Variants in WNK2 observed in about 807,000 individuals in gnomAD.
WNK2 encodes WNK lysine deficient protein kinase 2, also known as serine/threonine-protein kinase WNK2.
WNK2 carries 67 observed loss-of-function variants against 192.1 expected under a neutral mutation model. The ratio of observed to expected loss-of-function variants is 0.35; its 90% CI spans 0.29 to 0.43. The LOEUF (loss-of-function observed/expected upper bound fraction) is 0.43, where lower values mean the gene tolerates loss of function less well. WNK2 is among the 20% of genes least tolerant of loss of function. The pLI, the probability that WNK2 is intolerant of heterozygous loss-of-function variation, is 1.00. For missense variants in WNK2, 2,698 were observed against 3,089.7 expected, an observed-to-expected ratio of 0.87 and a Z score of 3.01; for synonymous variants, 1,439 against 1,393.9, an observed-to-expected ratio of 1.03 and a Z score of -0.72.
At position 93,253,025 on chromosome 9, in the gene WNK2, G is replaced by A; in HGVS notation, c.1977G>A (p.Gly659=). The A allele has an allele frequency of 6.5e-7, 1 of 1,544,116 alleles. No individual in the cohort carries two copies. The highest frequency in any genetic ancestry group is 8.7e-7 in the Non-Finnish European group (1 of 1,146,854). Residue 659 remains glycine (G), a synonymous_variant, in exon 9 of 30, where the codon GGG becomes GGA. Transcript: ENST00000427277. ...TGTGCAGCCCCCCTGTGAGCGAGGG[G>A]CCCGTCCTGCCGCAGAGCCTGCCCT... ...QCVCSPPVSE[G]PVLPQSLPSL...
At chr9:93,300,796 C>G (rs1851472686) in intron 26 of WNK2, among the ~76,000 whole-genome samples, 1 of 152,208 alleles carries the variant, frequency 6.6e-6, no homozygotes, top group Admixed American at 6.5e-5. Flanking sequence ...GCCTCCCCAG[C>G]CCCTCCCCAC....
In WNK2 at chr9:93,267,987, G is replaced by A. The variant is rs868419892; in HGVS notation, c.3868-33G>A. On this transcript the variant is annotated intron_variant, in intron 17 of 29. Transcript: ENST00000427277. ...CTGGGCAGGTGGGCGCTGCAGCTCAGTGGGCTCATTTCTGACCCTCCACCT... is the reference window on the plus strand; with the variant it reads ...CTGGGCAGGTGGGCGCTGCAGCTCAATGGGCTCATTTCTGACCCTCCACCT... The A allele has an allele frequency of 1.9e-6, 3 of 1,608,336 alleles. No individual in the cohort carries two copies. The Middle Eastern group carries it at 5.0e-4, about 266-fold the overall frequency.
At chr9:93,218,509 G>A (rs1836192635) in intron 2 of WNK2, among the ~76,000 whole-genome samples, 4 of 152,174 alleles carry the variant, frequency 2.6e-5, no homozygotes, top group Admixed American at 2.0e-4. Context: ...AATCAGGAAA[G>A]TTTTTGTGGT....
chr9:93,281,641 T>C (rs1847754136), intron 19 of WNK2, among the ~76,000 whole-genome samples: 1 of 151,946 alleles, frequency 6.6e-6, no homozygotes, highest in Non-Finnish European at 1.5e-5. Context: ...ATGCAGAGAA[T>C]TGGAAGGCAT....
rs181738286 is a variant in WNK2, at chr9:93,238,418, G to A, written c.1322+97G>A. The A allele has an allele frequency of 2.6e-3, 3,220 of 1,227,462 alleles. 4 individuals carry two copies. The highest frequency in any genetic ancestry group is 3.1e-3 in the Non-Finnish European group (2,616 of 848,156). 76.0% of individuals were successfully genotyped at this position (1,227,462 alleles called of 1,614,324 possible). A position where few individuals can be genotyped will look rare whatever the true frequency, so the allele number is the denominator to read the frequency against. ...TGTGTTCTTGATGAGGGGACTTCAA[G>A]ACAGGCAGGCTCAGGCCAGGGTGTC... On this transcript the variant is annotated intron_variant, in intron 6 of 29. Coordinates refer to ENST00000427277, the MANE Select transcript of WNK2 (RefSeq NM_006648.4).
At chr9:93,308,832 G>A (rs1450103956) in intron 28 of WNK2, 4 of 1,389,768 alleles carry the variant, frequency 2.9e-6, no homozygotes, top group Non-Finnish European at 3.7e-6. Flanking sequence ...CCAGGGCTGT[G>A]ACTCCACAGC....
chr9:93,234,867 G>A lies in WNK2; in HGVS notation c.1135G>A (p.Val379Ile). 4 of 1,614,222 alleles carry A rather than the reference G, an allele frequency of 2.5e-6. No homozygotes were observed. Among genetic ancestry groups the A allele is most frequent in the East Asian group, 2.2e-5 (1 of 44,886 alleles). Residue 379 changes from valine (V) to isoleucine (I), a missense_variant, in exon 5 of 30, where the codon GTC becomes ATC. Val to Ile is a conservative substitution (Grantham distance 29). This residue lies in a region of WNK2 where 230 missense variants were observed against 501.1 expected (regional missense o/e 0.46). Coordinates refer to ENST00000427277, the MANE Select transcript of WNK2 (RefSeq NM_006648.4). ...YEEHYDESVD[V>I]YAFGMCMLEM... ...GGAGCACTACGATGAGTCCGTGGAC[G>A]TCTATGCCTTTGGGATGTGCATGCT...
chr9:93,243,916 C>T (rs990735403), intron 7 of WNK2, among the ~76,000 whole-genome samples: 1 of 152,366 alleles, frequency 6.6e-6, no homozygotes, highest in Non-Finnish European at 1.5e-5. Flanking sequence ...GCACCTGGCT[C>T]TGAGGCTGCT....
In WNK2 at chr9:93,264,013, G is replaced by A. The variant is rs1214091204; in HGVS notation, c.3676G>A (p.Asp1226Asn). ...GTTCGACTTGGACGGGGACGCACCC[G>A]ATGAAATTGCCACGTATATGGTGAG... ...FKFDLDGDAP[D>N]EIATYMVEHD... The change falls in exon 16 of 30, where the codon GAT becomes AAT. Residue 1226 changes from aspartate to asparagine, a missense_variant. Asp to Asn is a conservative substitution (Grantham distance 23). Coordinates refer to ENST00000427277, the MANE Select transcript of WNK2 (RefSeq NM_006648.4). The A allele has an allele frequency of 4.3e-6, 7 of 1,612,906 alleles. No individual in the cohort carries two copies. Among genetic ancestry groups the A allele is most frequent in the African/African-American group, 1.3e-5 (1 of 74,890 alleles).
At chr9:93,284,206 A>T (rs547739066) in intron 19 of WNK2, among the ~76,000 whole-genome samples, 10 of 152,366 alleles carry the variant, frequency 6.6e-5, no homozygotes, top group African/African-American at 2.4e-4. Context: ...GTTTTATCAA[A>T]CTAGCGTAAC....
intron 2 of WNK2, among the ~76,000 whole-genome samples, chr9:93,199,197 T>C (rs1190989514): frequency 1.3e-5 from 2 of 152,158 alleles, no homozygotes; most frequent in Non-Finnish European, 2.9e-5. Context: ...AGAAGGAAGA[T>C]GACCGATGCC....
chr9:93,288,979 C>T lies in WNK2; in HGVS notation c.4225C>T (p.Pro1409Ser), dbSNP rs369934402. ...AAPATSTMPE[P>S]ASGTASQAGG... ...TCCAGCCACCAGCACCATGCCAGAGCCAGCGTCAGGAACTGCCAGCCAGGC... is the reference window on the plus strand; with the variant it reads ...TCCAGCCACCAGCACCATGCCAGAGTCAGCGTCAGGAACTGCCAGCCAGGC... Residue 1409 changes from proline to serine, a missense_variant, in exon 20 of 30, where the codon CCA becomes TCA. By Grantham distance (74) the Pro-to-Ser change is moderately conservative (BLOSUM62 -1). This residue lies in a region of WNK2 where 1,098 missense variants were observed against 1,101.0 expected (regional missense o/e 1.00). Transcript: ENST00000427277. 1 of 1,602,666 alleles carries T rather than the reference C, an allele frequency of 6.2e-7. No individual in the cohort carries two copies. Among genetic ancestry groups the T allele is most frequent in the Non-Finnish European group, 8.5e-7 (1 of 1,174,738 alleles).
chr9:93,265,378 G>A (rs891878632), intron 16 of WNK2, among the ~76,000 whole-genome samples: 1 of 152,202 alleles, frequency 6.6e-6, no homozygotes, highest in African/African-American at 2.4e-5. Context: ...TCAAAGGTGG[G>A]AGATGAGGAA....
rs1389048281 is a variant in WNK2 at position 93,297,618 on chromosome 9, G to A, written c.5709-235G>A. ...GAGGCTTCTTAGCCTGGCCCGTGCT[G>A]TTGGGCACGTCGATGCCAGAGGCCC... On this transcript the variant is annotated intron_variant, in intron 23 of 29. Coordinates refer to ENST00000427277, the MANE Select transcript of WNK2 (RefSeq NM_006648.4). 3.3e-5 allele frequency among the ~76,000 whole-genome samples: 5 copies of A among 152,250 alleles called. No homozygotes were observed. In the East Asian group the frequency reaches 7.7e-4, roughly 23 times the overall value.
intron 2 of WNK2, among the ~76,000 whole-genome samples, chr9:93,206,467 A>G (rs1487611822): frequency 6.6e-6 from 1 of 152,096 alleles, no homozygotes; most frequent in Non-Finnish European, 1.5e-5. Context: ...CCTGAGAAGC[A>G]CGTGGCTTGC....
intron 9 of WNK2, among the ~76,000 whole-genome samples, chr9:93,254,890 G>A (rs1843069939): frequency 6.6e-6 from 1 of 152,166 alleles, no homozygotes; most frequent in African/African-American, 2.4e-5. Flanking sequence ...ACTGAGGCTG[G>A]ACTGGAATGT....
chr9:93,186,977 TG>T (rs1211552952), intron 2 of WNK2, among the ~76,000 whole-genome samples: 1 of 151,936 alleles, frequency 6.6e-6, no homozygotes, highest in African/African-American at 2.4e-5. Flanking sequence ...GGTCCTGGGG[TG>T]TGCTGGGCAT....
At chr9:93,315,400 G>C (rs1156903898) in intron 28 of WNK2, 1 of 152,230 alleles carries the variant, frequency 6.6e-6, no homozygotes, top group Non-Finnish European at 1.5e-5. Context: ...TCCTCACAAA[G>C]TGATGCGGAT....
In WNK2 at chr9:93,243,589, A is replaced by G. The variant is rs114761360; in HGVS notation, c.1542+3613A>G. Among the ~76,000 whole-genome samples the G allele has an allele frequency of 9.3e-3, 1,414 of 152,078 alleles. 22 individuals carry two copies. Among genetic ancestry groups the G allele is most frequent in the African/African-American group, 0.032 (1,324 of 41,478 alleles). Reference sequence around the variant, plus strand: ...CACAACAATAAACAGCACCCGCCCCACTCTGCTAAGAACAGGGAAGGCAGG... The same window carrying G: ...CACAACAATAAACAGCACCCGCCCCGCTCTGCTAAGAACAGGGAAGGCAGG... On this transcript the variant is annotated intron_variant, in intron 7 of 29. Transcript: ENST00000427277.
Sources: gnomAD v4.1 joint callset for allele counts (sites outside exome capture counted in the v4.1 genomes callset) on GRCh38, gnomAD v4.1.1 for gene constraint, gnomAD v4.1.1 regional missense constraint, MANE v1.5 for transcripts, NCBI Gene and HGNC (gene_info 2026-07-23, HGNC 2026-07-21) for gene names.